Variants in GMPS observed in about 807,000 individuals in gnomAD.
GMPS encodes guanosine monophosphate synthase.
Under a neutral mutation model 77.9 loss-of-function variants are expected in GMPS, and 15 were observed. The ratio of observed to expected loss-of-function variants is 0.19; its 90% CI spans 0.13 to 0.30. GMPS has a LOEUF of 0.30. Ranked by LOEUF, GMPS falls within the 10% of genes least tolerant of loss-of-function variation. The probability of loss-of-function intolerance (pLI) is 1.00; values close to 1 mark genes in which losing one functional copy is unlikely to be tolerated. For missense variants in GMPS, 590 were observed against 838.8 expected, an observed-to-expected ratio of 0.70 and a Z score of 3.66; for synonymous variants, 224 against 275.9, an observed-to-expected ratio of 0.81 and a Z score of 1.86.
intron 5 of GMPS, among the ~76,000 whole-genome samples, chr3:155,909,318 A>G (rs568026918): frequency 6.6e-6 from 1 of 152,370 alleles, no homozygotes; most frequent in East Asian, 1.9e-4. Flanking sequence ...TAGTCAAGAA[A>G]GAAACAGTAT....
intron 1 of GMPS, among the ~76,000 whole-genome samples, chr3:155,882,479 C>T (rs1039030673): frequency 2.6e-5 from 4 of 152,084 alleles, no homozygotes; most frequent in Non-Finnish European, 4.4e-5. Flanking sequence ...CCAGCTTATC[C>T]GTCATTATCA....
At position 155,942,039 on chromosome 3, in the gene GMPS, G is replaced by A. The variant is rs1262934597; in HGVS notation, c.*4347G>A. The stretch of plus-strand genomic sequence containing the variant: ...GAGTTAAAAAATACAATAACCAGAT[G>A]TCCAATTAAATAAAATTAGAATCTG... On this transcript the variant is annotated 3_prime_UTR_variant, in exon 16 of 16. Transcript: ENST00000496455. The A allele has an allele frequency of 9.8e-6, 2 of 203,220 alleles. No homozygotes were observed. The highest frequency in any genetic ancestry group is 2.0e-5 in the Non-Finnish European group (2 of 99,360). The allele number at this position is 203,220 out of a possible 1,614,324, so 12.6% of individuals were successfully genotyped here. A position where few individuals can be genotyped will look rare whatever the true frequency, so the allele number is the denominator to read the frequency against.
At chr3:155,928,266 A>G (rs537779529) in intron 12 of GMPS, among the ~76,000 whole-genome samples, 225 of 150,902 alleles carry the variant, frequency 1.5e-3, no homozygotes, top group Non-Finnish European at 2.6e-3. Flanking sequence ...AGCTCAGGCA[A>G]TCCACCCGCC....
chr3:155,886,739 CT>C (rs551642276), intron 1 of GMPS, among the ~76,000 whole-genome samples: 26 of 149,868 alleles, frequency 1.7e-4, no homozygotes, highest in Admixed American at 1.5e-3. Context: ...ATCTCCTGAC[CT>C]TGTGATCCAC....
At chr3:155,896,816 A>G (rs1161073764) in intron 2 of GMPS, among the ~76,000 whole-genome samples, 2 of 140,344 alleles carry the variant, frequency 1.4e-5, no homozygotes, top group Non-Finnish European at 3.1e-5. Context: ...TATACTTTGT[A>G]TATTTTTATA....
At chr3:155,882,229 T>C (rs986463633) in intron 1 of GMPS, among the ~76,000 whole-genome samples, 1 of 152,170 alleles carries the variant, frequency 6.6e-6, no homozygotes, top group Non-Finnish European at 1.5e-5. Context: ...AGTGATAAAA[T>C]CATGGATACA....
intron 1 of GMPS, among the ~76,000 whole-genome samples, chr3:155,884,951 G>GGGTA (rs1168524926): frequency 1.3e-5 from 2 of 152,176 alleles, no homozygotes; most frequent in Non-Finnish European, 2.9e-5. Flanking sequence ...CTTGTAGATA[G>GGGTA]GGTAGAAGAG....
At chr3:155,901,639 C>G (rs1010827679) in intron 3 of GMPS, among the ~76,000 whole-genome samples, 13 of 151,798 alleles carry the variant, frequency 8.6e-5, no homozygotes, top group African/African-American at 2.2e-4. Context: ...CCTGCCAACC[C>G]TTGACATGAT....
intron 12 of GMPS, among the ~76,000 whole-genome samples, chr3:155,926,811 G>A (rs1416572079): frequency 2.6e-5 from 4 of 151,976 alleles, no homozygotes; most frequent in Non-Finnish European, 4.4e-5. Context: ...GATCACCTGA[G>A]GTTGGAAGTT....
At chr3:155,887,336 A>G (rs1754360791) in intron 1 of GMPS, among the ~76,000 whole-genome samples, 1 of 152,202 alleles carries the variant, frequency 6.6e-6, no homozygotes, top group Non-Finnish European at 1.5e-5. Flanking sequence ...ATCACCAGTA[A>G]TGGAACAAAA....
At chr3:155,877,634 T>C (rs1754083425) in intron 1 of GMPS, among the ~76,000 whole-genome samples, 1 of 152,126 alleles carries the variant, frequency 6.6e-6, no homozygotes, top group South Asian at 2.1e-4. Flanking sequence ...TTGGGGCCGC[T>C]AAAACAAAAT....
At chr3:155,887,344 A>C (rs1754360940) in intron 1 of GMPS, among the ~76,000 whole-genome samples, 1 of 152,232 alleles carries the variant, frequency 6.6e-6, no homozygotes, top group African/African-American at 2.4e-5. Context: ...TAATGGAACA[A>C]AATGACATTG....
rs1560055265 is a variant in GMPS at position 155,935,004 on chromosome 3, C to T, written c.1765C>T (p.Arg589Cys). The T allele has an allele frequency of 1.9e-6, 3 of 1,592,726 alleles. No individual in the cohort carries two copies. Among genetic ancestry groups the T allele is most frequent in the Non-Finnish European group, 1.7e-6 (2 of 1,166,098 alleles). ...GACAACAGGGGTGCTCAGTACTTTA[C>T]GCCAAGCTGATTTTGAGGCCCATAA... ...FLTTGVLSTLRQADFEAHNIL... is the reference protein window; with the variant it reads ...FLTTGVLSTLCQADFEAHNIL... Residue 589 changes from arginine (R) to cysteine (C), a missense_variant, in exon 14 of 16, where the codon CGC becomes TGC. Transcript: ENST00000496455.
chr3:155,872,977 G>A (rs1753940016), intron 1 of GMPS, among the ~76,000 whole-genome samples: 1 of 152,100 alleles, frequency 6.6e-6, no homozygotes, highest in Non-Finnish European at 1.5e-5. Context: ...ACTTTATTAT[G>A]CATATTTCTA....
At chr3:155,903,114 C>G (rs942605643) in intron 3 of GMPS, among the ~76,000 whole-genome samples, 23 of 152,162 alleles carry the variant, frequency 1.5e-4, no homozygotes, top group African/African-American at 5.3e-4. Flanking sequence ...AGGCAGATAT[C>G]TTCTGATATC....
intron 5 of GMPS, among the ~76,000 whole-genome samples, chr3:155,907,575 C>A (rs1374669647): frequency 6.6e-6 from 1 of 152,116 alleles, no homozygotes; most frequent in Non-Finnish European, 1.5e-5. Context: ...GGCAACAGAG[C>A]AAGACCCTCT....
chr3:155,870,577 G>C (rs1385294041), upstream of GMPS: 1 of 370,142 alleles, frequency 2.7e-6, no homozygotes, highest in African/African-American at 2.1e-5. Context: ...GGGTATCTGA[G>C]GCTCGGCTGC....
chr3:155,933,603 C>T (rs1442695199), intron 13 of GMPS, among the ~76,000 whole-genome samples: 1 of 152,098 alleles, frequency 6.6e-6, no homozygotes, highest in Non-Finnish European at 1.5e-5. Context: ...TTGGTGATAC[C>T]GGTGGTTTTG....
Position 155,943,966 on chromosome 3 carries a change from C to T in GMPS, c.*6274C>T, listed in dbSNP as rs756235963. The T allele has an allele frequency of 6.6e-6, 1 of 152,208 alleles. No homozygotes were observed. Among genetic ancestry groups the T allele is most frequent in the Admixed American group, 6.5e-5 (1 of 15,276 alleles). The allele number at this position is 152,208 out of a possible 1,614,324, so 9.4% of individuals were successfully genotyped here. ...TTGGATAGCTTTTTATTTAAATGAGCTAAAGGTGTGCGTATACACATGCAC... is the reference window on the plus strand; with the variant it reads ...TTGGATAGCTTTTTATTTAAATGAGTTAAAGGTGTGCGTATACACATGCAC... On this transcript the variant is annotated 3_prime_UTR_variant, in exon 16 of 16. Coordinates refer to ENST00000496455, the MANE Select transcript of GMPS (RefSeq NM_003875.3).
Sources: gnomAD v4.1 joint callset for allele counts (sites outside exome capture counted in the v4.1 genomes callset) on GRCh38, gnomAD v4.1.1 for gene constraint, MANE v1.5 for transcripts, NCBI Gene and HGNC (gene_info 2026-07-23, HGNC 2026-07-21) for gene names.